The following HNRNPD variants were observed in gnomAD, a reference collection of about 807,000 sequenced individuals.
The protein encoded by HNRNPD is heterogeneous nuclear ribonucleoprotein D, also known as heterogeneous nuclear ribonucleoprotein D0.
In HNRNPD, 3 loss-of-function variants were observed where a neutral mutation model predicts 47.9. That is an observed-to-expected ratio of 0.06 (90% confidence interval 0.03 to 0.16). HNRNPD has a LOEUF of 0.16. Among genes scored for constraint, HNRNPD ranks in the 10% least tolerant of loss-of-function variants. The pLI, the probability that HNRNPD is intolerant of heterozygous loss-of-function variation, is 1.00. For synonymous variants in HNRNPD, 171 were observed against 165.1 expected, an observed-to-expected ratio of 1.04 and a Z score of -0.28; for missense variants, 287 against 454.2, an observed-to-expected ratio of 0.63 and a Z score of 3.35.
intron 2 of HNRNPD, 117 bp downstream of exon 2, chr4:82,371,411 T>G (rs1720042138): frequency 8.0e-6 from 6 of 745,420 alleles, no homozygotes; most frequent in Non-Finnish European, 1.3e-5. Flanking sequence ...AAACCTACTG[T>G]ATGTACTATG....
chr4:82,372,535 G>A (rs1471710979), intron 1 of HNRNPD, among the ~76,000 whole-genome samples: 2 of 152,120 alleles, frequency 1.3e-5, no homozygotes, highest in African/African-American at 2.4e-5. Context: ...AGGGGGCTGG[G>A]GGTTGTAAAA....
intron 5 of HNRNPD, 85 bp from the exon 6 acceptor site, chr4:82,356,980 T>C: frequency 1.7e-6 from 2 of 1,151,344 alleles, no homozygotes; most frequent in Admixed American, 1.7e-5. Context: ...ATAGCCAACA[T>C]GTTTAAATAG....
chr4:82,373,159 G>A (rs1448214288), intron 1 of HNRNPD: 8 of 635,968 alleles, frequency 1.3e-5, no homozygotes, highest in Non-Finnish European at 2.3e-5. Flanking sequence ...CTAAGTCGGT[G>A]GGAGGAGACC....
At chr4:82,358,092 C>G (rs951678352) in intron 4 of HNRNPD, 1 of 152,318 alleles carries the variant, frequency 6.6e-6, no homozygotes, top group African/African-American at 2.4e-5. Flanking sequence ...TATTATCTAC[C>G]TATTTCACTA....
chr4:82,355,056 T>C (rs1414754056), intron 8 of HNRNPD: 7 of 481,260 alleles, frequency 1.5e-5, no homozygotes, highest in Admixed American at 3.8e-5. Flanking sequence ...ACTTTTTTGC[T>C]GCAATTCCTT....
intron 1 of HNRNPD, among the ~76,000 whole-genome samples, chr4:82,372,800 T>C (rs1165549019): frequency 1.3e-5 from 2 of 152,162 alleles, no homozygotes; most frequent in African/African-American, 4.8e-5. Context: ...TTGGTCTGCA[T>C]GTCAAAATGT....
rs746245884 is a variant in HNRNPD at position 82,357,727 on chromosome 4, CAAG to C, written c.622-286_622-284del. 1.0e-4 allele frequency: 24 copies of C among 237,456 alleles called. 1 individual carries two copies. Among genetic ancestry groups the C allele is most frequent in the African/African-American group, 3.6e-4 (16 of 44,264 alleles). 14.7% of individuals were successfully genotyped at this position (237,456 alleles called of 1,614,324 possible). On this transcript the variant is annotated intron_variant, in intron 4 of 8. Coordinates refer to ENST00000313899, the MANE Select transcript of HNRNPD (RefSeq NM_031370.3). ...CACAAATTCAAATGCCCACAAAGAA[CAAG>C]AAGAAAACAGTCAAATCTAAGAAAA...
intron 5 of HNRNPD, 112 bp downstream of exon 5, chr4:82,357,201 A>G: frequency 1.6e-6 from 2 of 1,231,000 alleles, no homozygotes; most frequent in Non-Finnish European, 2.2e-6. Context: ...TAAGTAACCA[A>G]TGAGAAGTTT....
At chr4:82,358,943 T>A (rs1723845518) in intron 3 of HNRNPD, 123 bp from the exon 4 acceptor site, 1 of 724,180 alleles carries the variant, frequency 1.4e-6, no homozygotes, top group South Asian at 2.0e-5. Context: ...TTGCTCAAGA[T>A]TAAACTGTCA....
At position 82,373,534 on chromosome 4, in the gene HNRNPD, C is replaced by T; in HGVS notation, c.145G>A (p.Gly49Ser). 6.5e-7 allele frequency: 1 copy of T among 1,542,204 alleles called. No homozygotes were observed. Among genetic ancestry groups the T allele is most frequent in the Non-Finnish European group, 8.7e-7 (1 of 1,143,510 alleles). ...AAAGSGAGTG[G>S]GTASGGTEGG... ...TCGGTGCCTCCAGACGCGGTTCCGC[C>T]CCCGGTCCCGGCTCCGCTTCCCGCC... is the stretch of plus-strand genomic sequence containing the variant. The change falls in exon 1 of 9, where the codon GGC (glycine) becomes AGC (serine). Residue 49 changes from glycine (G) to serine (S), a missense_variant. Transcript: ENST00000313899.
At chr4:82,369,022 G>A (rs1285739685) in intron 2 of HNRNPD, among the ~76,000 whole-genome samples, 1 of 152,062 alleles carries the variant, frequency 6.6e-6, no homozygotes, top group Non-Finnish European at 1.5e-5. Context: ...GGACTTTTTT[G>A]CTTCCTACCC....
intron 4 of HNRNPD, 78 bp from the exon 5 acceptor site, chr4:82,357,522 A>G (rs1326835832): frequency 5.0e-6 from 6 of 1,209,814 alleles, no homozygotes; most frequent in African/African-American, 3.1e-5. Context: ...TAGAGGGGGG[A>G]AAACACACAA....
At chr4:82,365,554 C>A (rs1379697393) in intron 2 of HNRNPD, among the ~76,000 whole-genome samples, 1 of 151,878 alleles carries the variant, frequency 6.6e-6, no homozygotes, top group East Asian at 1.9e-4. Flanking sequence ...GACAAGCTTT[C>A]ATCGAGTTCA....
Position 82,373,692 on chromosome 4 carries a change from C to G in HNRNPD, c.-14G>C. ...CTCCTCCGACATAGTGCTAGTGTCT[C>G]CGCCGCTGCCGCCGAGACTACACCC... On this transcript the variant is annotated 5_prime_UTR_variant, in exon 1 of 9. Transcript: ENST00000313899. 1 of 1,517,160 alleles carries G rather than the reference C, an allele frequency of 6.6e-7. No homozygotes were observed. The highest frequency in any genetic ancestry group is 1.2e-5 in the South Asian group (1 of 83,306). The allele number at this position is 1,517,160 out of a possible 1,614,324, so 94.0% of individuals were successfully genotyped here. A position where few individuals can be genotyped will look rare whatever the true frequency, so the allele number is the denominator to read the frequency against.
Position 82,371,381 on chromosome 4 carries a change from A to C in HNRNPD, c.290+147T>G. The C allele has an allele frequency of 7.6e-6, 4 of 525,206 alleles. No homozygotes were observed. The South Asian group carries it at 1.4e-4, about 18-fold the overall frequency. 32.5% of individuals were successfully genotyped at this position (525,206 alleles called of 1,614,324 possible). ...CAAAGATTACACATGATGCCTATAA[A>C]AGGTATATATCCCAGGTACAAACCT... On this transcript the variant is annotated intron_variant, in intron 2 of 8. Coordinates refer to ENST00000313899, the MANE Select transcript of HNRNPD (RefSeq NM_031370.3).
At position 82,373,430 on chromosome 4, in the gene HNRNPD, G is replaced by C; in HGVS notation, c.233+16C>G. 6.4e-7 allele frequency: 1 copy of C among 1,571,392 alleles called. No individual in the cohort carries two copies. Among genetic ancestry groups the C allele is most frequent in the Non-Finnish European group, 8.6e-7 (1 of 1,156,754 alleles). On this transcript the variant is annotated intron_variant, in intron 1 of 8. Coordinates refer to ENST00000313899, the MANE Select transcript of HNRNPD (RefSeq NM_031370.3). ...GACTAGTTGGGCCTGACTATCCTGG[G>C]ATGCCCCTTACTCACCCTTCATCCT...
intron 2 of HNRNPD, among the ~76,000 whole-genome samples, chr4:82,369,408 T>A (rs1719920580): frequency 6.6e-6 from 1 of 152,214 alleles, no homozygotes; most frequent in Admixed American, 6.5e-5. Context: ...GTAACAGGCA[T>A]GCCTTCCTAA....
At chr4:82,368,898 T>C (rs1186331142) in intron 2 of HNRNPD, among the ~76,000 whole-genome samples, 2 of 152,210 alleles carry the variant, frequency 1.3e-5, no homozygotes, top group Non-Finnish European at 2.9e-5. Context: ...ATTCACAGAA[T>C]TCCCAAATGG....
At chr4:82,361,219 A>C (rs754296263) in intron 2 of HNRNPD, among the ~76,000 whole-genome samples, 11 of 152,188 alleles carry the variant, frequency 7.2e-5, no homozygotes, top group South Asian at 2.1e-4. Context: ...TCTAATATAC[A>C]ATCTTTATTT....
Sources: gnomAD v4.1 joint callset for allele counts (sites outside exome capture counted in the v4.1 genomes callset) on GRCh38, gnomAD v4.1.1 for gene constraint, MANE v1.5 for transcripts, NCBI Gene and HGNC (gene_info 2026-07-23, HGNC 2026-07-21) for gene names.